The following WASF1 variants were observed in gnomAD, a reference collection of about 807,000 sequenced individuals.
WASF1 encodes the protein WASP family member 1.
WASF1 carries 7 observed loss-of-function variants against 50.5 expected under a neutral mutation model. That is an observed-to-expected ratio of 0.14 (90% CI 0.08 to 0.26). The LOEUF (loss-of-function observed/expected upper bound fraction) is 0.26. WASF1 is among the 10% of genes least tolerant of loss of function. The probability of loss-of-function intolerance (pLI) is 1.00; values close to 1 mark genes in which losing one functional copy is unlikely to be tolerated. For missense variants in WASF1, 470 were observed against 694.7 expected, an observed-to-expected ratio of 0.68 and a Z score of 3.64; for synonymous variants, 205 against 244.0, an observed-to-expected ratio of 0.84 and a Z score of 1.49.
At chr6:110,129,947 A>AT (rs886576720) in intron 3 of WASF1, among the ~76,000 whole-genome samples, 1 of 152,146 alleles carries the variant, frequency 6.6e-6, no homozygotes, top group Non-Finnish European at 1.5e-5. Flanking sequence ...TTATACTGTC[A>AT]TTTTTTACAG....
At chr6:110,163,068 T>C (rs1301950089) in intron 2 of WASF1, among the ~76,000 whole-genome samples, 2 of 151,638 alleles carry the variant, frequency 1.3e-5, no homozygotes, top group African/African-American at 4.8e-5. Context: ...AAAAGTCAAC[T>C]GCTTCCCAAC....
chr6:110,101,484 G>A lies in WASF1; in HGVS notation c.1522+104C>T, dbSNP rs1238111345. 3 of 1,443,090 alleles carry A rather than the reference G, an allele frequency of 2.1e-6. No homozygotes were observed. The African/African-American group carries it at 4.3e-5, about 21-fold the overall frequency. 89.4% of individuals were successfully genotyped at this position (1,443,090 alleles called of 1,614,324 possible). On this transcript the variant is annotated intron_variant, in intron 10 of 10. Transcript: ENST00000392589. Reference sequence around the variant, plus strand: ...CTAAAGGCCATTTGTACACAAACATGATCACCTAAAATTTTATAGATAAGG... The same window carrying A: ...CTAAAGGCCATTTGTACACAAACATAATCACCTAAAATTTTATAGATAAGG...
chr6:110,167,069 CTG>C (rs1333767914), intron 2 of WASF1, among the ~76,000 whole-genome samples: 2 of 151,786 alleles, frequency 1.3e-5, no homozygotes, highest in Non-Finnish European at 2.9e-5. Context: ...CCTAGTAACA[CTG>C]TAGCCATCAT....
At chr6:110,169,846 T>C (rs773822017) in intron 2 of WASF1, among the ~76,000 whole-genome samples, 4 of 152,144 alleles carry the variant, frequency 2.6e-5, no homozygotes, top group African/African-American at 4.8e-5. Context: ...TTTAGTACAA[T>C]GCCTAGCATA....
intron 2 of WASF1, among the ~76,000 whole-genome samples, chr6:110,175,744 A>G (rs1225028990): frequency 1.3e-5 from 2 of 152,130 alleles, no homozygotes; most frequent in African/African-American, 4.8e-5. Context: ...TGAACTGAGA[A>G]ACAGCCTCCT....
chr6:110,144,749 G>C (rs893800449), intron 3 of WASF1, among the ~76,000 whole-genome samples: 3 of 152,160 alleles, frequency 2.0e-5, no homozygotes, highest in African/African-American at 4.8e-5. Context: ...TATCAGGTTT[G>C]TCAAAGATCA....
intron 3 of WASF1, among the ~76,000 whole-genome samples, chr6:110,144,599 C>T (rs111654435): frequency 0.086 from 13,042 of 152,164 alleles, 873 homozygotes; most frequent in African/African-American, 0.19. Context: ...GGTTTTAGGT[C>T]TAACGTGTAA....
Position 110,102,118 on chromosome 6 carries a change from A to G in WASF1, c.992T>C (p.Leu331Pro). The change falls in exon 10 of 11, where the codon CTT becomes CCT. Residue 331 changes from leucine to proline, a missense_variant. By Grantham distance (98) the Leu-to-Pro change is moderately conservative. Around this residue, in one of 3 missense-constraint regions of WASF1, gnomAD observed 294 missense variants for 343.5 expected, o/e 0.86. Transcript: ENST00000392589. ...TGAGGAAGTTGACAAGGCAGATGGA[A>G]GAGGTGGTGGAGGAGGTGGGGGAGT... ...SPTPPPPPPPLPSALSTSSLR... is the reference protein window; with the variant it reads ...SPTPPPPPPPPPSALSTSSLR... The G allele has an allele frequency of 1.3e-6, 2 of 1,492,298 alleles. No individual in the cohort carries two copies. Among genetic ancestry groups the G allele is most frequent in the South Asian group, 1.4e-5 (1 of 70,150 alleles). The allele number at this position is 1,492,298 out of a possible 1,614,324, so 92.4% of individuals were successfully genotyped here.
At chr6:110,129,503 A>C (rs983515374) in intron 3 of WASF1, among the ~76,000 whole-genome samples, 1 of 152,198 alleles carries the variant, frequency 6.6e-6, no homozygotes, top group Admixed American at 6.5e-5. Context: ...AAAAGAAGGA[A>C]TATGTTCCAA....
intron 2 of WASF1, among the ~76,000 whole-genome samples, chr6:110,164,361 A>G (rs549200337): frequency 6.6e-5 from 10 of 151,828 alleles, no homozygotes; most frequent in Admixed American, 5.3e-4. Context: ...AAGAAAATGA[A>G]CAACTTGATT....
intron 3 of WASF1, among the ~76,000 whole-genome samples, chr6:110,144,843 G>A (rs1775464324): frequency 6.6e-6 from 1 of 152,172 alleles, no homozygotes; most frequent in African/African-American, 2.4e-5. Context: ...CCAGTACCAT[G>A]CTGTTTTGGT....
chr6:110,106,271 A>G (rs1773320966), intron 7 of WASF1, among the ~76,000 whole-genome samples: 1 of 152,206 alleles, frequency 6.6e-6, no homozygotes, highest in Non-Finnish European at 1.5e-5. Context: ...CCAAAATTTA[A>G]AAACCTCTGT....
intron 2 of WASF1, among the ~76,000 whole-genome samples, chr6:110,169,699 A>AGG (rs1776619969): frequency 6.6e-6 from 1 of 152,142 alleles, no homozygotes; most frequent in Non-Finnish European, 1.5e-5. Flanking sequence ...GGGTAAGCCC[A>AGG]AGGCAGTTAA....
intron 3 of WASF1, among the ~76,000 whole-genome samples, chr6:110,145,145 T>C (rs1451914539): frequency 2.0e-5 from 3 of 152,158 alleles, no homozygotes; most frequent in African/African-American, 7.2e-5. Flanking sequence ...TGAGCAGTGG[T>C]TTGTAGTTCT....
intron 4 of WASF1, among the ~76,000 whole-genome samples, chr6:110,115,536 C>T (rs1346900945): frequency 6.6e-6 from 1 of 152,224 alleles, no homozygotes; most frequent in Non-Finnish European, 1.5e-5. Flanking sequence ...TACAACATCT[C>T]TGGCCACTCA....
intron 2 of WASF1, among the ~76,000 whole-genome samples, chr6:110,166,736 C>T (rs1776493313): frequency 6.6e-6 from 1 of 151,832 alleles, no homozygotes; most frequent in Admixed American, 6.6e-5. Context: ...CTTGGCTCTG[C>T]CATTTACAAA....
chr6:110,131,060 C>T (rs984900724), intron 3 of WASF1, among the ~76,000 whole-genome samples: 1 of 152,122 alleles, frequency 6.6e-6, no homozygotes, highest in Non-Finnish European at 1.5e-5. Flanking sequence ...TGTAGAAACA[C>T]TAGATATGAG....
chr6:110,111,387 GA>G, intron 5 of WASF1, among the ~76,000 whole-genome samples: 1 of 151,658 alleles, frequency 6.6e-6, no homozygotes, highest in Non-Finnish European at 1.5e-5. Context: ...ACAACCTAAA[GA>G]AGGGGAGAAA....
At chr6:110,162,215 T>C (rs1451056756) in intron 2 of WASF1, among the ~76,000 whole-genome samples, 1 of 151,454 alleles carries the variant, frequency 6.6e-6, no homozygotes, top group Non-Finnish European at 1.5e-5. Flanking sequence ...AGACAAATTC[T>C]GCTTCTCCTC....
Sources: gnomAD v4.1 joint callset for allele counts (sites outside exome capture counted in the v4.1 genomes callset) on GRCh38, gnomAD v4.1.1 for gene constraint, gnomAD v4.1.1 regional missense constraint, MANE v1.5 for transcripts, NCBI Gene and HGNC (gene_info 2026-07-23, HGNC 2026-07-21) for gene names.